BICC1: variants seen among roughly 807,000 people sequenced by gnomAD.
The protein encoded by BICC1 is BicC family RNA binding protein 1.
A neutral mutation model predicts 111.0 loss-of-function variants in BICC1; 43 were observed. The ratio of observed to expected loss-of-function variants is 0.39; its 90% CI spans 0.30 to 0.50. The LOEUF is 0.50. Among genes scored for constraint, BICC1 ranks in the 20% least tolerant of loss-of-function variants. BICC1 has a pLI of 0.88. For missense variants in BICC1, 1,091 were observed against 1,203.2 expected (o/e 0.91, Z 1.38); for synonymous variants, 467 against 434.4 (o/e 1.07, Z -0.93).
At chr10:58,639,719 ATTTTTTTTTT>A (rs71033694) in intron 2 of BICC1, among the ~76,000 whole-genome samples, 2 of 93,162 alleles carry the variant, frequency 2.1e-5, no homozygotes, top group African/African-American at 8.4e-5. Context: ...GCCCGGCCAA[ATTTTTTTTTT>A]TTTTTTTTTT....
At chr10:58,754,408 C>G (rs1430114674) in intron 3 of BICC1, among the ~76,000 whole-genome samples, 3 of 152,024 alleles carry the variant, frequency 2.0e-5, no homozygotes, top group Non-Finnish European at 4.4e-5. Context: ...CTGGATAATC[C>G]AAAAGTTGAA....
chr10:58,636,087 C>G (rs180691716), intron 2 of BICC1, among the ~76,000 whole-genome samples: 1 of 152,266 alleles, frequency 6.6e-6, no homozygotes, highest in East Asian at 1.9e-4. Flanking sequence ...GTTTTGGGAC[C>G]TAACACATTG....
At chr10:58,590,938 T>C (rs1457105714) in intron 1 of BICC1, among the ~76,000 whole-genome samples, 1 of 152,330 alleles carries the variant, frequency 6.6e-6, no homozygotes, top group East Asian at 1.9e-4. Flanking sequence ...ACAAAACTGA[T>C]CTTTGACCAC....
At position 58,688,129 on chromosome 10, in the gene BICC1, A is replaced by G. The variant is rs187946068; in HGVS notation, c.238-13945A>G. On this transcript the variant is annotated intron_variant, in intron 2 of 20. Transcript: ENST00000373886. ...AGCTCTTAAAGTTAGCGTGGACCCAAAGAGTGAGCAGCAGCAAGATTTATT... is the reference window on the plus strand; with the variant it reads ...AGCTCTTAAAGTTAGCGTGGACCCAGAGAGTGAGCAGCAGCAAGATTTATT... Among the ~76,000 whole-genome samples, 10 of 152,246 alleles carry G rather than the reference A, an allele frequency of 6.6e-5. No individual in the cohort carries two copies. In the East Asian group the frequency reaches 1.9e-3, roughly 30 times the overall value.
chr10:58,698,363 C>CT (rs1840128516), intron 2 of BICC1, among the ~76,000 whole-genome samples: 1 of 152,192 alleles, frequency 6.6e-6, no homozygotes, highest in Non-Finnish European at 1.5e-5. Context: ...GCCCTCTCTT[C>CT]TTTTTCCAGA....
At chr10:58,823,985 T>C (rs1844324670) in intron 20 of BICC1, 1 of 985,412 alleles carries the variant, frequency 1.0e-6, no homozygotes, top group African/African-American at 1.7e-5. Flanking sequence ...CCTGCATGTG[T>C]CTTTTGCTTG....
chr10:58,612,587 G>T (rs1342962832), intron 1 of BICC1, among the ~76,000 whole-genome samples: 1 of 112,600 alleles, frequency 8.9e-6, no homozygotes, highest in Non-Finnish European at 1.8e-5. Context: ...TTGCAAATGT[G>T]TTGAGTTGTG....
chr10:58,530,393 G>A (rs1842649076), intron 1 of BICC1, among the ~76,000 whole-genome samples: 1 of 151,890 alleles, frequency 6.6e-6, no homozygotes, highest in Admixed American at 6.6e-5. Context: ...GCATTGGTCT[G>A]TCAGCTTCTG....
intron 3 of BICC1, among the ~76,000 whole-genome samples, chr10:58,780,667 T>C (rs529356203): frequency 2.6e-5 from 4 of 152,260 alleles, no homozygotes; most frequent in Admixed American, 2.6e-4. Flanking sequence ...CAGTAAAATA[T>C]TCACTAATGT....
At chr10:58,745,358 C>A (rs1841798931) in intron 3 of BICC1, among the ~76,000 whole-genome samples, 1 of 152,066 alleles carries the variant, frequency 6.6e-6, no homozygotes, top group South Asian at 2.1e-4. Flanking sequence ...ATAATAATCC[C>A]TCACAGGATT....
At chr10:58,762,639 A>G (rs987201566) in intron 3 of BICC1, among the ~76,000 whole-genome samples, 9 of 152,112 alleles carry the variant, frequency 5.9e-5, no homozygotes, top group African/African-American at 1.7e-4. Flanking sequence ...ATGCTTACAC[A>G]TGTGGACTGG....
intron 2 of BICC1, among the ~76,000 whole-genome samples, chr10:58,661,736 A>G (rs1162029082): frequency 2.0e-5 from 3 of 152,210 alleles, no homozygotes; most frequent in Non-Finnish European, 4.4e-5. Flanking sequence ...AGCTGAAGTC[A>G]TTGGAGGATA....
At chr10:58,775,158 A>G (rs1285238659) in intron 3 of BICC1, among the ~76,000 whole-genome samples, 1 of 152,180 alleles carries the variant, frequency 6.6e-6, no homozygotes, top group East Asian at 1.9e-4. Context: ...GGATCACTTA[A>G]GGCCAGGAGT....
At chr10:58,783,498 A>G (rs1021043064) in intron 3 of BICC1, among the ~76,000 whole-genome samples, 1 of 152,076 alleles carries the variant, frequency 6.6e-6, no homozygotes, top group African/African-American at 2.4e-5. Context: ...TCACAGTGTC[A>G]GGGGAGTATG....
intron 2 of BICC1, among the ~76,000 whole-genome samples, chr10:58,641,469 C>T: frequency 6.6e-6 from 1 of 151,168 alleles, no homozygotes. Flanking sequence ...TTTTTTCTTT[C>T]CTTTTTTTTT....
chr10:58,776,004 A>C (rs1430199144), intron 3 of BICC1, among the ~76,000 whole-genome samples: 1 of 152,252 alleles, frequency 6.6e-6, no homozygotes, highest in East Asian at 1.9e-4. Context: ...TGAGAAATGT[A>C]AAGAATTTTA....
At chr10:58,732,347 G>A (rs1382598739) in intron 3 of BICC1, among the ~76,000 whole-genome samples, 1 of 131,008 alleles carries the variant, frequency 7.6e-6, no homozygotes, top group Non-Finnish European at 1.6e-5. Flanking sequence ...AGAGGAAGAG[G>A]AGTGTATGTG....
At chr10:58,676,674 C>A (rs565219400) in intron 2 of BICC1, among the ~76,000 whole-genome samples, 12 of 152,100 alleles carry the variant, frequency 7.9e-5, no homozygotes, top group Non-Finnish European at 1.3e-4. Context: ...AGCGGATCTC[C>A]CAGCACAGCG....
chr10:58,741,520 A>C (rs1209090510), intron 3 of BICC1, among the ~76,000 whole-genome samples: 1 of 152,176 alleles, frequency 6.6e-6, no homozygotes, highest in African/African-American at 2.4e-5. Context: ...ATTTGGCAAT[A>C]TGTTTGGCGA....
Sources: gnomAD v4.1 joint callset for allele counts (sites outside exome capture counted in the v4.1 genomes callset) on GRCh38, gnomAD v4.1.1 for gene constraint, MANE v1.5 for transcripts, NCBI Gene and HGNC (gene_info 2026-07-23, HGNC 2026-07-21) for gene names.